Variants in IQGAP1 observed in about 807,000 individuals in gnomAD.
IQGAP1 encodes IQ motif containing GTPase activating protein 1.
In IQGAP1, 66 loss-of-function variants were observed where a neutral mutation model predicts 215.6. The ratio of observed to expected loss-of-function variants is 0.31; its 90% CI spans 0.25 to 0.38. IQGAP1 has a LOEUF of 0.38. IQGAP1 is among the 10% of genes least tolerant of loss of function. IQGAP1 has a pLI of 1.00. For missense variants in IQGAP1, 1,712 were observed against 1,997.1 expected, an observed-to-expected ratio of 0.86 and a Z score of 2.72; for synonymous variants, 772 against 728.7, an observed-to-expected ratio of 1.06 and a Z score of -0.96.
At chr15:90,393,186 C>T (rs77651957) in intron 2 of IQGAP1, among the ~76,000 whole-genome samples, 1 of 151,236 alleles carries the variant, frequency 6.6e-6, no homozygotes, top group Non-Finnish European at 1.5e-5. Context: ...GATCCAGACA[C>T]ATAGTAGTCC....
intron 23 of IQGAP1, 49 bp downstream of exon 23, chr15:90,474,742 T>G: frequency 1.4e-6 from 2 of 1,384,000 alleles, no homozygotes; most frequent in Non-Finnish European, 2.1e-6. Context: ...TCCTGCTTTG[T>G]AACCCCTGCA....
At chr15:90,449,414 G>T in intron 10 of IQGAP1, 145 bp from the exon 11 acceptor site, 1 of 604,276 alleles carries the variant, frequency 1.7e-6, no homozygotes, top group Non-Finnish European at 2.7e-6. Context: ...ACCTGGGGCT[G>T]CCACCTTGGC....
chr15:90,483,468 A>G lies in IQGAP1; in HGVS notation c.3663A>G (p.Gln1221=). 6.2e-7 allele frequency: 1 copy of G among 1,614,218 alleles called. No individual in the cohort carries two copies. The highest frequency in any genetic ancestry group is 8.5e-7 in the Non-Finnish European group (1 of 1,180,036). ...LSAGGQLTTD[Q]RRNLGSIAKM... ...CAGGAGGCCAGCTTACCACAGACCA[A>G]CGCCGAAATCTGGGCTCCATTGCAA... The change falls in exon 29 of 38, where the codon CAA becomes CAG. Residue 1221 remains glutamine (Q), a synonymous_variant. Coordinates refer to ENST00000268182, the MANE Select transcript of IQGAP1 (RefSeq NM_003870.4).
chr15:90,481,718 A>G (rs1168372328), intron 26 of IQGAP1, among the ~76,000 whole-genome samples: 1 of 152,190 alleles, frequency 6.6e-6, no homozygotes, highest in Non-Finnish European at 1.5e-5. Context: ...AGAAGGTGTC[A>G]TGTCTTGTAT....
Position 90,456,285 on chromosome 15 carries a change from G to A in IQGAP1, c.1746G>A (p.Thr582=), listed in dbSNP as rs201387133. Residue 582 remains threonine (T), a synonymous_variant, in exon 15 of 38, where the codon ACG becomes ACA. Coordinates refer to ENST00000268182, the MANE Select transcript of IQGAP1 (RefSeq NM_003870.4). ...AAGTGGCCCAGCATTACCAAGACAC[G>A]CTGATTAGAGCGAAGAGAGAGAAAG... ...LAEVAQHYQD[T]LIRAKREKAQ... is the part of the protein sequence containing the mutation. 6.6e-5 allele frequency: 106 copies of A among 1,614,014 alleles called. No homozygotes were observed. Among genetic ancestry groups the A allele is most frequent in the Middle Eastern group, 1.7e-4 (1 of 6,060 alleles).
chr15:90,390,656 C>G, intron 1 of IQGAP1, 118 bp from the exon 2 acceptor site: 1 of 664,392 alleles, frequency 1.5e-6, no homozygotes. Context: ...GCTGGCTACA[C>G]ACTCATTAGT....
chr15:90,481,544 G>A (rs1966059349), intron 26 of IQGAP1, among the ~76,000 whole-genome samples: 1 of 151,776 alleles, frequency 6.6e-6, no homozygotes, highest in South Asian at 2.1e-4. Context: ...TTTTTCCTGA[G>A]TTCAAGCATC....
At position 90,423,078 on chromosome 15, in the gene IQGAP1, A is replaced by G. The variant is rs1356428894; in HGVS notation, c.156-3032A>G. Among the ~76,000 whole-genome samples the G allele has an allele frequency of 2.0e-4, 30 of 146,974 alleles. No homozygotes were observed. The Admixed American group carries it at 2.1e-3, about 11-fold the overall frequency. On this transcript the variant is annotated intron_variant, in intron 2 of 37. Transcript: ENST00000268182. ...TGCTTCCTGGCTCTCAGGTTTTCTGATTCTGTGATTTAGTAGAAGAAGGGG... is the reference window on the plus strand; with the variant it reads ...TGCTTCCTGGCTCTCAGGTTTTCTGGTTCTGTGATTTAGTAGAAGAAGGGG...
At chr15:90,435,727 G>C (rs185784293) in intron 5 of IQGAP1, among the ~76,000 whole-genome samples, 2 of 152,258 alleles carry the variant, frequency 1.3e-5, no homozygotes, top group Non-Finnish European at 2.9e-5. Context: ...AATTAACTAT[G>C]CCTTCCTAGT....
chr15:90,487,833 T>C (rs958241571), intron 33 of IQGAP1, among the ~76,000 whole-genome samples: 2 of 152,102 alleles, frequency 1.3e-5, no homozygotes, highest in East Asian at 3.8e-4. Flanking sequence ...CGTATATCCA[T>C]CCCTTGGTAT....
chr15:90,442,458 A>G (rs1034010479), intron 8 of IQGAP1, among the ~76,000 whole-genome samples: 2 of 152,258 alleles, frequency 1.3e-5, no homozygotes, highest in South Asian at 2.1e-4. Context: ...GGGGAAAAAA[A>G]AAACTTCACA....
At chr15:90,443,115 C>A (rs1429263599) in intron 8 of IQGAP1, among the ~76,000 whole-genome samples, 1 of 152,170 alleles carries the variant, frequency 6.6e-6, no homozygotes, top group Non-Finnish European at 1.5e-5. Flanking sequence ...TGTGCCACCA[C>A]ATTGGGCTAA....
intron 31 of IQGAP1, 123 bp from the exon 32 acceptor site, chr15:90,486,831 C>A: frequency 1.0e-6 from 1 of 955,372 alleles, no homozygotes; most frequent in Non-Finnish European, 1.6e-6. Flanking sequence ...GTTCTCGTCA[C>A]ACTGTATGTG....
In IQGAP1 at chr15:90,477,649, A is replaced by G. The variant is rs2151033721; in HGVS notation, c.3105-16A>G. ...GGTTTTGTGACAAGTTTAAATTTTT[A>G]TCTGATGTTTTATAGGTCGAAGGTA... On this transcript the variant is annotated splice_polypyrimidine_tract_variant and intron_variant, in intron 25 of 37. Transcript: ENST00000268182. The G allele has an allele frequency of 6.4e-7, 1 of 1,565,292 alleles. No individual in the cohort carries two copies. The highest frequency in any genetic ancestry group is 2.2e-5 in the East Asian group (1 of 44,554).
intron 3 of IQGAP1, among the ~76,000 whole-genome samples, chr15:90,429,184 A>G (rs193015154): frequency 1.6e-3 from 242 of 152,290 alleles, no homozygotes; most frequent in Admixed American, 4.8e-3. Context: ...GTGAACATCT[A>G]TGTATTCAGA....
At chr15:90,388,689 G>A (rs1964589238) in intron 1 of IQGAP1, among the ~76,000 whole-genome samples, 1 of 152,240 alleles carries the variant, frequency 6.6e-6, no homozygotes, top group South Asian at 2.1e-4. Context: ...CGAGATTGGG[G>A]AAGACGGCCT....
chr15:90,424,657 T>A (rs1246518613), intron 2 of IQGAP1, among the ~76,000 whole-genome samples: 2 of 151,350 alleles, frequency 1.3e-5, no homozygotes, highest in Admixed American at 6.6e-5. Flanking sequence ...ACCAATATGG[T>A]GAAACCCCAT....
At chr15:90,442,720 GC>G (rs1965468882) in intron 8 of IQGAP1, among the ~76,000 whole-genome samples, 1 of 151,774 alleles carries the variant, frequency 6.6e-6, no homozygotes, top group Non-Finnish European at 1.5e-5. Flanking sequence ...CCTAATCCCA[GC>G]ACTTTGGGAG....
intron 11 of IQGAP1, among the ~76,000 whole-genome samples, chr15:90,450,076 A>G (rs1269033511): frequency 6.6e-6 from 1 of 152,160 alleles, no homozygotes; most frequent in Non-Finnish European, 1.5e-5. Context: ...GTGCTATCTA[A>G]CACTAGACCT....
Sources: allele counts gnomAD v4.1 joint callset (sites outside exome capture counted in the v4.1 genomes callset), GRCh38; gene constraint gnomAD v4.1.1; transcripts MANE v1.5; gene names NCBI Gene and HGNC (gene_info 2026-07-23, HGNC 2026-07-21).